Variants in FRMPD4 observed in about 807,000 individuals in gnomAD.
FRMPD4 encodes the protein FERM and PDZ domain-containing protein 4.
Under a neutral mutation model 94.1 loss-of-function variants are expected in FRMPD4, and 22 were observed. The observed-to-expected ratio is 0.23, with a 90% CI of 0.17 to 0.33. The LOEUF is 0.33. FRMPD4 is among the 10% of genes least tolerant of loss of function. The probability of loss-of-function intolerance (pLI) is 1.00; values close to 1 mark genes in which losing one functional copy is unlikely to be tolerated. For missense variants in FRMPD4, 1,111 were observed against 1,339.9 expected, an observed-to-expected ratio of 0.83 and a Z score of 2.67; for synonymous variants, 631 against 548.6, an observed-to-expected ratio of 1.15 and a Z score of -2.10.
chrX:12,351,945 G>T (rs1029376244), intron 1 of FRMPD4, among the ~76,000 whole-genome samples: 1 of 112,249 alleles, frequency 8.9e-6, no homozygotes, highest in African/African-American at 3.2e-5. Context: ...ATTACAAATT[G>T]TGCTGACGTG....
chrX:12,204,187 C>T (rs750128885), intron 1 of FRMPD4, among the ~76,000 whole-genome samples: 1 of 112,356 alleles, frequency 8.9e-6, no homozygotes, highest in Admixed American at 9.4e-5. Flanking sequence ...GTACTACTGG[C>T]TTAGCTTGTG....
At chrX:12,709,703 T>A (rs2041946382) in intron 13 of FRMPD4, among the ~76,000 whole-genome samples, 1 of 112,599 alleles carries the variant, frequency 8.9e-6, no homozygotes. Context: ...GTGAGTTCAC[T>A]GCTGGTAACT....
In FRMPD4 at chrX:12,463,482, G is replaced by C. The variant is rs146355891; in HGVS notation, c.42-35198G>C. 6.0e-4 allele frequency among the ~76,000 whole-genome samples: 67 copies of C among 111,281 alleles called. No homozygotes were observed. In the East Asian group the frequency reaches 0.013, roughly 21 times the overall value. ...TGATTATGGAATACAGAATATAAAG[G>C]TTATGCAATTTATTCTAATGCCAGA... On this transcript the variant is annotated intron_variant, in intron 1 of 16. Coordinates refer to ENST00000675598, the MANE Select transcript of FRMPD4 (RefSeq NM_001368397.1).
intron 1 of FRMPD4, among the ~76,000 whole-genome samples, chrX:12,468,373 G>T (rs2057472094): frequency 8.9e-6 from 1 of 111,851 alleles, no homozygotes; most frequent in Non-Finnish European, 1.9e-5. Flanking sequence ...CCATGCAAAG[G>T]CAGCAAAAAC....
At chrX:12,700,161 A>G (rs184425592) in intron 9 of FRMPD4, among the ~76,000 whole-genome samples, 38 of 111,738 alleles carry the variant, frequency 3.4e-4, no homozygotes, top group African/African-American at 1.2e-3. Flanking sequence ...TCTAGTTTCT[A>G]TGGCTAGCCT....
intron 1 of FRMPD4, among the ~76,000 whole-genome samples, chrX:12,473,532 C>G (rs5934003): frequency 0.2 from 21,680 of 107,427 alleles, 1,983 homozygotes; most frequent in South Asian, 0.24. Flanking sequence ...ATTGGATAAA[C>G]AGTCAAGACC....
chrX:11,883,021 T>C, intron 3 of FRMPD4, among the ~76,000 whole-genome samples: 1 of 111,763 alleles, frequency 8.9e-6, no homozygotes, highest in Non-Finnish European at 1.9e-5. Context: ...TCAAACACTC[T>C]TTATTGAGCG....
chrX:12,427,149 A>G (rs2056955203), intron 1 of FRMPD4, among the ~76,000 whole-genome samples: 1 of 111,920 alleles, frequency 8.9e-6, no homozygotes, highest in Non-Finnish European at 1.9e-5. Context: ...TTAGAACTTA[A>G]TTTTGTTTCG....
chrX:12,019,143 T>A (rs2054619479), intron 3 of FRMPD4, among the ~76,000 whole-genome samples: 1 of 109,891 alleles, frequency 9.1e-6, no homozygotes, highest in South Asian at 3.8e-4. Flanking sequence ...TACTGCCAAA[T>A]GAGTTTCAAT....
At chrX:12,531,534 G>A (rs1302310760) in intron 2 of FRMPD4, among the ~76,000 whole-genome samples, 1 of 111,522 alleles carries the variant, frequency 9.0e-6, no homozygotes, top group Non-Finnish European at 1.9e-5. Flanking sequence ...TTGAGGCCTG[G>A]CTGGGGCTTG....
At chrX:11,966,607 A>T (rs779820835) in intron 3 of FRMPD4, among the ~76,000 whole-genome samples, 1 of 111,852 alleles carries the variant, frequency 8.9e-6, no homozygotes, top group African/African-American at 3.2e-5. Flanking sequence ...ATGGTTGTGT[A>T]AAAAATCATT....
intron 7 of FRMPD4, among the ~76,000 whole-genome samples, 174 bp downstream of exon 7, chrX:12,686,378 G>T (rs921760161): frequency 8.9e-6 from 1 of 112,148 alleles, no homozygotes; most frequent in African/African-American, 3.2e-5. Context: ...AAAGCCAAAA[G>T]CTTAAACCAA....
chrX:12,584,794 A>T (rs753789109), intron 2 of FRMPD4, among the ~76,000 whole-genome samples: 2 of 112,690 alleles, frequency 1.8e-5, no homozygotes, highest in East Asian at 5.5e-4. Context: ...AGTATACCCT[A>T]TATTGCAAAG....
chrX:11,993,978 G>A (rs2054481311), intron 3 of FRMPD4, among the ~76,000 whole-genome samples: 2 of 111,333 alleles, frequency 1.8e-5, no homozygotes, highest in Admixed American at 1.9e-4. Flanking sequence ...AACTGCAACA[G>A]AATGAAAATA....
At chrX:12,210,810 C>T (rs190940504) in intron 1 of FRMPD4, among the ~76,000 whole-genome samples, 5 of 111,101 alleles carry the variant, frequency 4.5e-5, no homozygotes, top group Non-Finnish European at 7.5e-5. Flanking sequence ...AAGTGACAGC[C>T]TTAACATTCA....
intron 1 of FRMPD4, among the ~76,000 whole-genome samples, chrX:12,258,345 T>A (rs1359509172): frequency 9.1e-6 from 1 of 110,403 alleles, no homozygotes. Flanking sequence ...ATTGCAGGAA[T>A]GGGTTCTTGA....
At position 12,659,975 on chromosome X, in the gene FRMPD4, C is replaced by T. The variant is rs183314630; in HGVS notation, c.423-14888C>T. Among the ~76,000 whole-genome samples the T allele has an allele frequency of 6.4e-4, 71 of 111,785 alleles. No individual in the cohort carries two copies. The East Asian group carries it at 0.019, about 30-fold the overall frequency. Reference sequence around the variant, plus strand: ...CCTGAAATTTTATTGCAAAGGTTTACAAAATACAATAAAATAAAGAGTTTG... The same window carrying T: ...CCTGAAATTTTATTGCAAAGGTTTATAAAATACAATAAAATAAAGAGTTTG... On this transcript the variant is annotated intron_variant, in intron 4 of 16. Coordinates refer to ENST00000675598, the MANE Select transcript of FRMPD4 (RefSeq NM_001368397.1).
chrX:12,266,519 C>T (rs940725588), intron 1 of FRMPD4, among the ~76,000 whole-genome samples: 3 of 111,465 alleles, frequency 2.7e-5, no homozygotes, highest in Non-Finnish European at 5.6e-5. Flanking sequence ...TTGGAAGTGA[C>T]ATAGTAGCAT....
At position 12,255,122 on chromosome X, in the gene FRMPD4, A is replaced by T. The variant is rs2054096964; in HGVS notation, c.41+116110A>T. 2.7e-5 allele frequency among the ~76,000 whole-genome samples: 3 copies of T among 111,829 alleles called. No homozygotes were observed. The South Asian group carries it at 1.1e-3, about 42-fold the overall frequency. The stretch of plus-strand genomic sequence containing the variant: ...CCCGTAAATAAAATATGGTGGAAGT[A>T]GCAACAATTTTACTCTCAAGGAACT... On this transcript the variant is annotated intron_variant, in intron 1 of 16. Coordinates refer to ENST00000675598, the MANE Select transcript of FRMPD4 (RefSeq NM_001368397.1).
Sources: allele counts gnomAD v4.1 joint callset (sites outside exome capture counted in the v4.1 genomes callset), GRCh38; gene constraint gnomAD v4.1.1; transcripts MANE v1.5; gene names NCBI Gene and HGNC (gene_info 2026-07-23, HGNC 2026-07-21).